The following CFAP20DC variants were observed in gnomAD, a reference collection of about 807,000 sequenced individuals.
CFAP20DC encodes CFAP20 domain containing, also known as protein CFAP20DC.
Under a neutral mutation model 101.7 loss-of-function variants are expected in CFAP20DC, and 84 were observed. The observed-to-expected ratio is 0.83, with a 90% CI of 0.69 to 0.99. CFAP20DC has a LOEUF of 0.99. Ranked by LOEUF, CFAP20DC falls within the 50% of genes least tolerant of loss-of-function variation. The probability of loss-of-function intolerance (pLI) is 0.00; values close to 1 mark genes in which losing one functional copy is unlikely to be tolerated. For synonymous variants in CFAP20DC, 359 were observed against 351.2 expected (o/e 1.02, Z -0.25); for missense variants, 1,007 against 970.3 (o/e 1.04, Z -0.50).
intron 4 of CFAP20DC, among the ~76,000 whole-genome samples, chr3:59,034,086 A>T (rs1381972615): frequency 6.6e-6 from 1 of 152,236 alleles, no homozygotes; most frequent in Non-Finnish European, 1.5e-5. Context: ...TTTCATATCC[A>T]GTCAAACTAA....
intron 6 of CFAP20DC, among the ~76,000 whole-genome samples, chr3:58,890,248 A>G (rs1198020893): frequency 1.4e-5 from 2 of 145,876 alleles, no homozygotes; most frequent in Non-Finnish European, 3.0e-5. Context: ...ACTTCCCAGT[A>G]GGGGCCGCCG....
chr3:59,039,845 C>A (rs1031329773), intron 3 of CFAP20DC, among the ~76,000 whole-genome samples: 1 of 151,856 alleles, frequency 6.6e-6, no homozygotes, highest in African/African-American at 2.4e-5. Flanking sequence ...TTTTAAAGTT[C>A]CATCTGTGGC....
Position 59,006,090 on chromosome 3 carries a change from A to G in CFAP20DC, c.278+33467T>C, listed in dbSNP as rs1248328076. 6.6e-6 allele frequency among the ~76,000 whole-genome samples: 1 copy of G among 152,162 alleles called. No individual in the cohort carries two copies. Among genetic ancestry groups the G allele is most frequent in the African/African-American group, 2.4e-5 (1 of 41,430 alleles). On this transcript the variant is annotated intron_variant, in intron 4 of 16. Transcript: ENST00000482387. The surrounding 1 kb of genome is among the most constrained non-coding windows in gnomAD (Gnocchi z 4.3). ...ATATGTGTTTTTATAAATATGTAAT[A>G]TACTGTGTATATGTATATATACACA...
At chr3:58,881,641 A>G (rs2081236836) in intron 7 of CFAP20DC, among the ~76,000 whole-genome samples, 2 of 152,182 alleles carry the variant, frequency 1.3e-5, no homozygotes, top group Non-Finnish European at 2.9e-5. Context: ...CACCCACAGA[A>G]AACAGCTACT....
chr3:59,015,037 C>T lies in CFAP20DC; in HGVS notation c.278+24520G>A, dbSNP rs1900621. On this transcript the variant is annotated intron_variant, in intron 4 of 16. Transcript: ENST00000482387. This position sits in a 1 kb window ranked among gnomAD's most constrained non-coding sequence, Gnocchi z 5.4. ...ACATTTACCAGTACAGAACATTTTG[C>T]GAGCTCATTTCTGAGGTTAGGATGT... Among the ~76,000 whole-genome samples the T allele has an allele frequency of 0.18, 27,407 of 151,984 alleles. 2,507 individuals carry two copies. Among genetic ancestry groups the T allele is most frequent in the Non-Finnish European group, 0.2 (13,652 of 67,956 alleles).
At chr3:58,803,970 A>C (rs1404283273) in intron 15 of CFAP20DC, among the ~76,000 whole-genome samples, 1 of 152,236 alleles carries the variant, frequency 6.6e-6, no homozygotes, top group African/African-American at 2.4e-5. Context: ...TTAAAGTTGC[A>C]TATTACCACA....
At chr3:58,962,602 T>A (rs2091230445) in intron 4 of CFAP20DC, among the ~76,000 whole-genome samples, 1 of 152,202 alleles carries the variant, frequency 6.6e-6, no homozygotes, top group Non-Finnish European at 1.5e-5. Flanking sequence ...CACCAACAAT[T>A]GGTCAGAGGC....
downstream of CFAP20DC, among the ~76,000 whole-genome samples, chr3:58,738,839 T>C (rs1315905001): frequency 6.6e-6 from 1 of 152,194 alleles, no homozygotes; most frequent in Non-Finnish European, 1.5e-5. This position sits in a 1 kb window ranked among gnomAD's most constrained non-coding sequence, Gnocchi z 4.4. Flanking sequence ...AAACCATGTT[T>C]TGATAGTGTA....
intron 16 of CFAP20DC, among the ~76,000 whole-genome samples, chr3:58,746,247 G>T (rs1008675900): frequency 2.6e-5 from 4 of 152,142 alleles, no homozygotes; most frequent in Non-Finnish European, 4.4e-5. Context: ...TCCATCAGGT[G>T]TAATGTTTAA....
intron 7 of CFAP20DC, among the ~76,000 whole-genome samples, chr3:58,871,337 C>A (rs1394181428): frequency 2.0e-5 from 3 of 151,958 alleles, no homozygotes; most frequent in African/African-American, 4.8e-5. Flanking sequence ...ATGTGAAGAG[C>A]CTATTCTAAA....
rs1344318521 is a variant in CFAP20DC at position 58,795,284 on chromosome 3, G to A, written c.2237+11111C>T. On this transcript the variant is annotated intron_variant, in intron 15 of 16. Coordinates refer to ENST00000482387, the MANE Select transcript of CFAP20DC (RefSeq NM_001394063.1). The surrounding 1 kb of genome is among the most constrained non-coding windows in gnomAD (Gnocchi z 4.2). ...GTAATCTGAGTTCAGCATCTGGATG[G>A]ATAACAATTGCTGGGGAGGCTTCAG... 1.3e-5 allele frequency among the ~76,000 whole-genome samples: 2 copies of A among 152,200 alleles called. No homozygotes were observed. Among genetic ancestry groups the A allele is most frequent in the Admixed American group, 1.3e-4 (2 of 15,286 alleles).
At chr3:58,898,221 C>T (rs188491665) in intron 6 of CFAP20DC, among the ~76,000 whole-genome samples, 46 of 151,472 alleles carry the variant, frequency 3.0e-4, no homozygotes, top group Admixed American at 3.9e-4. Flanking sequence ...GTCACCCAGG[C>T]TACAGTGCAG....
chr3:58,915,571 G>A (rs1289240311), intron 5 of CFAP20DC, among the ~76,000 whole-genome samples: 3 of 151,902 alleles, frequency 2.0e-5, no homozygotes, highest in African/African-American at 7.3e-5. Context: ...TTGGCTCCAG[G>A]GGTACAGACA....
At position 58,856,265 on chromosome 3, in the gene CFAP20DC, GACACACACACAC is replaced by G. The variant is rs536277954; in HGVS notation, c.1594-6868_1594-6857del. ...TTTGTCTACACTAGCTTCATCTTCTGACACACACACACACACACACACACACACACACACACA... is the reference window on the plus strand; with the variant it reads ...TTTGTCTACACTAGCTTCATCTTCTGACACACACACACACACACACACACA... On this transcript the variant is annotated intron_variant, in intron 12 of 16. Transcript: ENST00000482387. Among the ~76,000 whole-genome samples the G allele has an allele frequency of 1.5e-3, 189 of 124,136 alleles. 1 individual carries two copies. Among genetic ancestry groups the G allele is most frequent in the South Asian group, 3.1e-3 (10 of 3,222 alleles). 81.4% of individuals were successfully genotyped at this position (124,136 alleles called of 152,430 possible). A position where few individuals can be genotyped will look rare whatever the true frequency, so the allele number is the denominator to read the frequency against.
intron 14 of CFAP20DC, among the ~76,000 whole-genome samples, chr3:58,818,462 G>T (rs1479902626): frequency 6.6e-6 from 1 of 151,476 alleles, no homozygotes; most frequent in Non-Finnish European, 1.5e-5. Context: ...CAAGCAAATG[G>T]AAAACTGAAA....
At chr3:58,987,898 T>A (rs1365353883) in intron 4 of CFAP20DC, among the ~76,000 whole-genome samples, 1 of 152,010 alleles carries the variant, frequency 6.6e-6, no homozygotes, top group Non-Finnish European at 1.5e-5. Flanking sequence ...ACCAAACCTT[T>A]AAGGAACCCA....
chr3:58,787,038 T>C (rs1292101551), intron 15 of CFAP20DC, among the ~76,000 whole-genome samples: 11 of 151,902 alleles, frequency 7.2e-5, no homozygotes, highest in Non-Finnish European at 1.3e-4. Flanking sequence ...GGGGGGGCAT[T>C]ACTGTAAATA....
intron 4 of CFAP20DC, among the ~76,000 whole-genome samples, chr3:58,965,071 C>G (rs2076014800): frequency 6.6e-6 from 1 of 152,058 alleles, no homozygotes. Flanking sequence ...GTCTTCATAC[C>G]TCTACCATTT....
At chr3:58,947,151 G>A (rs899689008) in intron 4 of CFAP20DC, among the ~76,000 whole-genome samples, 6 of 152,112 alleles carry the variant, frequency 3.9e-5, no homozygotes, top group Admixed American at 3.9e-4. Context: ...TTTTTAAAAG[G>A]TTGCATGCTT....
Sources: gnomAD v4.1 joint callset for allele counts (sites outside exome capture counted in the v4.1 genomes callset) on GRCh38, gnomAD v4.1.1 for gene constraint, Gnocchi (gnomAD v3.1) non-coding constraint, MANE v1.5 for transcripts, NCBI Gene and HGNC (gene_info 2026-07-23, HGNC 2026-07-21) for gene names.